Variants in MTARC2 observed in about 807,000 individuals in gnomAD.
The protein encoded by MTARC2 is mitochondrial amidoxime reducing component 2.
In MTARC2, 27 loss-of-function variants were observed where a neutral mutation model predicts 35.6. The ratio of observed to expected loss-of-function variants is 0.76; its 90% CI spans 0.56 to 1.04. MTARC2 has a LOEUF of 1.04. Among genes scored for constraint, MTARC2 ranks in the 50% least tolerant of loss-of-function variants. MTARC2 has a pLI of 0.00. For missense variants in MTARC2, 412 were observed against 432.5 expected (o/e 0.95, Z 0.42); for synonymous variants, 158 against 167.1 (o/e 0.95, Z 0.42).
chr1:220,754,474 G>A lies in MTARC2; in HGVS notation c.273-473G>A, dbSNP rs1419567969. On this transcript the variant is annotated intron_variant, in intron 1 of 7. Transcript: ENST00000366913. ...AGAGGCTGGCCTGGTTCCGCTTGGA[G>A]GCAGCAACATTGCAAGACCTTTGTC... 7 of 455,810 alleles carry A rather than the reference G, an allele frequency of 1.5e-5. No individual in the cohort carries two copies. In the East Asian group the frequency reaches 4.9e-4, roughly 32 times the overall value. The allele number at this position is 455,810 out of a possible 1,614,324, so 28.2% of individuals were successfully genotyped here.
intron 4 of MTARC2, among the ~76,000 whole-genome samples, chr1:220,774,943 C>CTGTGAGAGTGTGTGTGTGTG (rs1279896618): frequency 6.7e-6 from 1 of 149,886 alleles, no homozygotes; most frequent in African/African-American, 2.5e-5. Flanking sequence ...CTATATAGAC[C>CTGTGAGAGTGTGTGTGTGTG]CGTGTGTGTG....
At chr1:220,781,728 G>T (rs781584175) in intron 6 of MTARC2, 50 bp from the exon 7 acceptor site, 2 of 1,603,834 alleles carry the variant, frequency 1.2e-6, no homozygotes, top group South Asian at 1.1e-5. Flanking sequence ...AGAATACTTC[G>T]ATTATTATTT....
rs1402026282 is a variant in MTARC2, at chr1:220,769,763, T to C, written c.750+6713T>C. Among the ~76,000 whole-genome samples, 6 of 151,670 alleles carry C rather than the reference T, an allele frequency of 4.0e-5. No individual in the cohort carries two copies. In the East Asian group the frequency reaches 1.2e-3, roughly 29 times the overall value. On this transcript the variant is annotated intron_variant, in intron 4 of 7. Coordinates refer to ENST00000366913, the MANE Select transcript of MTARC2 (RefSeq NM_017898.5). ...TCTTCTCTCTCTCTCTCTTTCTCTC[T>C]GTGTATGTGTGGTCGGTAAAGGCAC...
rs139673458 is a variant in MTARC2 at position 220,779,566 on chromosome 1, GA to G, written c.751-450del. Among the ~76,000 whole-genome samples, 1,383 of 152,368 alleles carry G rather than the reference GA, an allele frequency of 9.1e-3. 19 individuals carry two copies. Among genetic ancestry groups the G allele is most frequent in the African/African-American group, 0.03 (1,236 of 41,584 alleles). On this transcript the variant is annotated intron_variant, in intron 4 of 7. Transcript: ENST00000366913. ...CCCCATTAGCAGGCTGCCTGTCTGT[GA>G]AGGTGGCAGCAATGAATGTGTGAAT...
At chr1:220,755,264 G>A (rs1671244564) in intron 2 of MTARC2, 144 bp downstream of exon 2, 1 of 875,542 alleles carries the variant, frequency 1.1e-6, no homozygotes, top group African/African-American at 1.7e-5. Context: ...GTTTGAGTTG[G>A]GATTGGGCAT....
chr1:220,759,992 G>T (rs1047901854), intron 2 of MTARC2, among the ~76,000 whole-genome samples: 1 of 152,106 alleles, frequency 6.6e-6, no homozygotes, highest in South Asian at 2.1e-4. Flanking sequence ...ATCGCCTCAG[G>T]AGTCCTCACA....
chr1:220,754,866 T>C (rs1029579059), intron 1 of MTARC2, 81 bp from the exon 2 acceptor site: 7 of 1,330,818 alleles, frequency 5.3e-6, no homozygotes, highest in Non-Finnish European at 6.2e-6. Context: ...TGGAGAGTTC[T>C]GAGGAAGTAG....
At chr1:220,778,146 G>T (rs774667734) in intron 4 of MTARC2, among the ~76,000 whole-genome samples, 45 of 149,688 alleles carry the variant, frequency 3.0e-4, no homozygotes, top group Non-Finnish European at 5.9e-5. Context: ...GGAGGCTGAG[G>T]CATGAGAATT....
At chr1:220,777,028 G>C (rs568957318) in intron 4 of MTARC2, among the ~76,000 whole-genome samples, 1 of 152,196 alleles carries the variant, frequency 6.6e-6, no homozygotes, top group Non-Finnish European at 1.5e-5. Flanking sequence ...TTAGCCACCC[G>C]CTGTGGTTGT....
rs756562298 is a variant in MTARC2 at position 220,763,062 on chromosome 1, A to G, written c.750+12A>G. On this transcript the variant is annotated intron_variant, in intron 4 of 7. Coordinates refer to ENST00000366913, the MANE Select transcript of MTARC2 (RefSeq NM_017898.5). ...ATGCTTTTGAGGAGGTAAGCGACCC[A>G]CTGCTTTTGTGCATCATGCTCAGAT... The G allele has an allele frequency of 1.6e-5, 26 of 1,614,142 alleles. No individual in the cohort carries two copies. The highest frequency in any genetic ancestry group is 2.0e-5 in the Non-Finnish European group (24 of 1,180,012).
At chr1:220,774,350 C>T (rs1671832706) in intron 4 of MTARC2, among the ~76,000 whole-genome samples, 1 of 152,094 alleles carries the variant, frequency 6.6e-6, no homozygotes, top group Non-Finnish European at 1.5e-5. Context: ...TAGCCAGTCT[C>T]CAGGAGGTGA....
At position 220,777,908 on chromosome 1, in the gene MTARC2, T is replaced by C. The variant is rs566786761; in HGVS notation, c.751-2110T>C. Among the ~76,000 whole-genome samples, 15 of 152,276 alleles carry C rather than the reference T, an allele frequency of 9.9e-5. No individual in the cohort carries two copies. In the South Asian group the frequency reaches 3.1e-3, roughly 32 times the overall value. On this transcript the variant is annotated intron_variant, in intron 4 of 7. Coordinates refer to ENST00000366913, the MANE Select transcript of MTARC2 (RefSeq NM_017898.5). ...ATATATGTATTGGTCTGTTCTCACA[T>C]TGCAATAAAGAAATACCTGAGACTG... is the stretch of plus-strand genomic sequence containing the variant.
intron 4 of MTARC2, chr1:220,770,504 C>T (rs945913381): frequency 9.1e-6 from 9 of 985,346 alleles, no homozygotes; most frequent in Non-Finnish European, 1.1e-5. Context: ...CAATGCTACC[C>T]AAGAGACAAG....
chr1:220,760,283 C>T (rs1252088782), intron 2 of MTARC2, among the ~76,000 whole-genome samples: 1 of 152,294 alleles, frequency 6.6e-6, no homozygotes, highest in Admixed American at 6.5e-5. Flanking sequence ...AATGGTTGTA[C>T]AAGTCAGTGG....
intron 2 of MTARC2, among the ~76,000 whole-genome samples, chr1:220,758,134 G>A (rs1428526401): frequency 6.8e-6 from 1 of 147,220 alleles, no homozygotes; most frequent in Non-Finnish European, 1.5e-5. Flanking sequence ...ACAGGCGCAC[G>A]CCACCACGCC....
intron 1 of MTARC2, among the ~76,000 whole-genome samples, chr1:220,752,206 G>A (rs966409825): frequency 6.6e-6 from 1 of 152,194 alleles, no homozygotes; most frequent in African/African-American, 2.4e-5. Context: ...GGATGAATGG[G>A]AGATGAGAAG....
At position 220,748,604 on chromosome 1, in the gene MTARC2, G is replaced by A. The variant is rs779024480; in HGVS notation, c.73G>A (p.Val25Ile). 1 of 1,455,166 alleles carries A rather than the reference G, an allele frequency of 6.9e-7. No individual in the cohort carries two copies. 90.1% of individuals were successfully genotyped at this position (1,455,166 alleles called of 1,614,324 possible). A position where few individuals can be genotyped will look rare whatever the true frequency, so the allele number is the denominator to read the frequency against. The part of the protein sequence containing the change: ...PARPWPRWLG[V>I]AALGLAAVAL... ...CCGGCCCTGGCCCAGGTGGCTCGGG[G>A]TCGCCGCGCTAGGACTGGCCGCCGT... Residue 25 changes from valine to isoleucine, a missense_variant, in exon 1 of 8, where the codon GTC (valine) becomes ATC (isoleucine). Transcript: ENST00000366913.
At chr1:220,769,934 C>CAAA (rs57739324) in intron 4 of MTARC2, among the ~76,000 whole-genome samples, 1,231 of 63,360 alleles carry the variant, frequency 0.019, 81 homozygotes, top group African/African-American at 0.071. Context: ...ACTAAAAATA[C>CAAA]AAAAAAAAAA....
At chr1:220,754,402 G>A (rs1434470592) in intron 1 of MTARC2, 2 of 456,184 alleles carry the variant, frequency 4.4e-6, no homozygotes, top group Middle Eastern at 3.2e-4. Context: ...TGTTTGGGAG[G>A]TTTCCTGATG....
Sources: allele counts gnomAD v4.1 joint callset (sites outside exome capture counted in the v4.1 genomes callset), GRCh38; gene constraint gnomAD v4.1.1; transcripts MANE v1.5; gene names NCBI Gene and HGNC (gene_info 2026-07-23, HGNC 2026-07-21).